NRG1: variants seen among roughly 807,000 people sequenced by gnomAD.
NRG1 encodes neuregulin 1.
A neutral mutation model predicts 63.8 loss-of-function variants in NRG1; 18 were observed. That is an observed-to-expected ratio of 0.28 (90% CI 0.19 to 0.42). NRG1 has a LOEUF of 0.42. Among genes scored for constraint, NRG1 ranks in the 10% least tolerant of loss-of-function variants. NRG1 has a pLI of 1.00. For missense variants in NRG1, 762 were observed against 814.7 expected, an observed-to-expected ratio of 0.94 and a Z score of 0.79; for synonymous variants, 302 against 301.3, an observed-to-expected ratio of 1.00 and a Z score of -0.02.
intron 1 of NRG1, among the ~76,000 whole-genome samples, chr8:32,080,354 C>T (rs891877971): frequency 1.3e-5 from 2 of 152,140 alleles, no homozygotes; most frequent in Admixed American, 1.3e-4. Context: ...CCTTACCCTC[C>T]TTTTAAAGAA....
chr8:32,634,120 G>GAAAAAAAAAAAAAAAAAAAAAATA (rs1563814503), intron 5 of NRG1, among the ~76,000 whole-genome samples: 1 of 97,728 alleles, frequency 1.0e-5, no homozygotes, highest in African/African-American at 5.5e-5. Flanking sequence ...AAAAAAAAAG[G>GAAAAAAAAAAAAAAAAAAAAAATA]TTGCATAAAG....
At chr8:32,359,328 T>G (rs1384460894) in intron 1 of NRG1, among the ~76,000 whole-genome samples, 2 of 152,214 alleles carry the variant, frequency 1.3e-5, no homozygotes, top group Non-Finnish European at 2.9e-5. Context: ...GATCTTAGTT[T>G]GTCCACCTCT....
intron 1 of NRG1, among the ~76,000 whole-genome samples, chr8:32,089,217 G>A (rs1380396287): frequency 6.6e-6 from 1 of 152,196 alleles, no homozygotes; most frequent in East Asian, 1.9e-4. Flanking sequence ...CAGAACAGCT[G>A]CTGCAAAGGG....
At chr8:32,719,296 A>C (rs1820041277) in intron 5 of NRG1, among the ~76,000 whole-genome samples, 1 of 152,088 alleles carries the variant, frequency 6.6e-6, no homozygotes, top group South Asian at 2.1e-4. Flanking sequence ...ATATCCATTT[A>C]AACATGCATA....
intron 1 of NRG1, among the ~76,000 whole-genome samples, chr8:31,682,291 TGA>T (rs1808416437): frequency 6.6e-6 from 1 of 152,172 alleles, no homozygotes; most frequent in Admixed American, 6.6e-5. Context: ...CAGCAATGAA[TGA>T]GAGTTTCTGT....
intron 1 of NRG1, among the ~76,000 whole-genome samples, chr8:32,183,916 C>T (rs1408938828): frequency 6.6e-6 from 1 of 152,130 alleles, no homozygotes; most frequent in Admixed American, 6.5e-5. Flanking sequence ...CTTCTTGGGG[C>T]ATTCACAATT....
chr8:32,253,653 T>A (rs1425785153), intron 1 of NRG1, among the ~76,000 whole-genome samples: 1 of 152,166 alleles, frequency 6.6e-6, no homozygotes, highest in Non-Finnish European at 1.5e-5. Flanking sequence ...TGGCATTTTC[T>A]TTTTTTGTTT....
intron 5 of NRG1, among the ~76,000 whole-genome samples, chr8:32,717,749 G>A (rs145511608): frequency 2.1e-3 from 322 of 152,202 alleles, no homozygotes; most frequent in Non-Finnish European, 3.5e-3. Flanking sequence ...TTAGAGAGGC[G>A]TGTTTCAAGC....
At chr8:32,423,703 A>G (rs994088595) in intron 1 of NRG1, among the ~76,000 whole-genome samples, 1 of 152,166 alleles carries the variant, frequency 6.6e-6, no homozygotes, top group Non-Finnish European at 1.5e-5. Flanking sequence ...TACCTGTGCC[A>G]GAGACCCACT....
chr8:31,683,736 C>A (rs547575960), intron 1 of NRG1, among the ~76,000 whole-genome samples: 1 of 152,122 alleles, frequency 6.6e-6, no homozygotes, highest in Admixed American at 6.5e-5. Flanking sequence ...TTTATTGCAA[C>A]AAAGGTACCA....
intron 1 of NRG1, among the ~76,000 whole-genome samples, chr8:31,863,888 C>T (rs1034013339): frequency 1.1e-4 from 16 of 152,192 alleles, no homozygotes; most frequent in Non-Finnish European, 5.9e-5. Flanking sequence ...AGCCAGCAAT[C>T]GCTATTCTAA....
intron 5 of NRG1, among the ~76,000 whole-genome samples, chr8:32,685,836 A>G (rs1173177747): frequency 6.6e-6 from 1 of 152,224 alleles, no homozygotes; most frequent in African/African-American, 2.4e-5. Flanking sequence ...CCACTAGGGA[A>G]TGATCCCACA....
intron 1 of NRG1, among the ~76,000 whole-genome samples, chr8:32,218,594 A>G (rs1264451436): frequency 1.3e-5 from 2 of 152,190 alleles, no homozygotes; most frequent in African/African-American, 4.8e-5. Flanking sequence ...ACATTTAGAA[A>G]TGGTTTTCCT....
intron 1 of NRG1, among the ~76,000 whole-genome samples, chr8:32,430,485 G>C (rs1262176850): frequency 6.6e-6 from 1 of 152,200 alleles, no homozygotes. Context: ...AGTGAGGCTA[G>C]AGGTGGGCGT....
At chr8:31,789,701 T>C (rs1453426339) in intron 1 of NRG1, among the ~76,000 whole-genome samples, 3 of 152,224 alleles carry the variant, frequency 2.0e-5, no homozygotes, top group Admixed American at 6.5e-5. Flanking sequence ...CCCACCTATA[T>C]GTTTTTACGC....
chr8:32,044,930 A>AAAAAAAC lies in NRG1; in HGVS notation c.37+405500_37+405501insAAAAACA, dbSNP rs1554610208. On this transcript the variant is annotated intron_variant, in intron 1 of 10. Transcript: ENST00000519301. ...AAGAAAAGCAAAAAAAAAAAAAAAA[A>AAAAAAAC]ACACACACACACAAAGCAATCAGAA... Among the ~76,000 whole-genome samples the AAAAAAAC allele has an allele frequency of 2.7e-3, 364 of 136,772 alleles. 2 individuals are homozygous for AAAAAAAC. The highest frequency in any genetic ancestry group is 7.7e-3 in the African/African-American group (279 of 36,016). The allele number at this position is 136,772 out of a possible 152,430, so 89.7% of individuals were successfully genotyped here. A position where few individuals can be genotyped will look rare whatever the true frequency, so the allele number is the denominator to read the frequency against.
chr8:32,772,589 T>A (rs970124379), downstream of NRG1, among the ~76,000 whole-genome samples: 2 of 152,226 alleles, frequency 1.3e-5, no homozygotes, highest in Non-Finnish European at 2.9e-5. Flanking sequence ...AATACTTGTC[T>A]TCTGGTCCCT....
chr8:32,570,565 G>T (rs942459873), intron 1 of NRG1, among the ~76,000 whole-genome samples: 2 of 152,010 alleles, frequency 1.3e-5, no homozygotes, highest in East Asian at 1.9e-4. Flanking sequence ...AATTTAAATG[G>T]TATTTCTAAA....
chr8:31,922,278 G>T (rs910524041), intron 1 of NRG1, among the ~76,000 whole-genome samples: 2 of 152,126 alleles, frequency 1.3e-5, no homozygotes, highest in African/African-American at 4.8e-5. Context: ...ATAAGAGTCA[G>T]CAAATCTGAG....
Sources: gnomAD v4.1 joint callset for allele counts (sites outside exome capture counted in the v4.1 genomes callset) on GRCh38, gnomAD v4.1.1 for gene constraint, MANE v1.5 for transcripts, NCBI Gene and HGNC (gene_info 2026-07-23, HGNC 2026-07-21) for gene names.